DNAH11: variants seen among roughly 807,000 people sequenced by gnomAD.
The protein encoded by DNAH11 is axonemal beta dynein heavy chain 11.
In DNAH11, 442 loss-of-function variants were observed where a neutral mutation model predicts 526.0. The observed-to-expected ratio is 0.84, with a 90% CI of 0.78 to 0.91. The LOEUF is 0.91. Ranked by LOEUF, DNAH11 falls within the 40% of genes least tolerant of loss-of-function variation. The probability of loss-of-function intolerance (pLI) is 0.00; values close to 1 mark genes in which losing one functional copy is unlikely to be tolerated. For synonymous variants in DNAH11, 2,461 were observed against 1,935.9 expected (o/e 1.27, Z -7.12); for missense variants, 6,989 against 5,448.7 (o/e 1.28, Z -8.90).
chr7:21,615,008 C>T, intron 20 of DNAH11, 106 bp from the exon 21 acceptor site: 29 of 1,267,936 alleles, frequency 2.3e-5, no homozygotes, highest in African/African-American at 9.2e-5. Context: ...TTTTATTTTC[C>T]CGTTAAAAAT....
chr7:21,880,377 T>C (rs899942026), intron 74 of DNAH11, among the ~76,000 whole-genome samples: 1 of 150,692 alleles, frequency 6.6e-6, no homozygotes, highest in Admixed American at 6.6e-5. Flanking sequence ...CTTTATGTCA[T>C]CCAGATTCTG....
In DNAH11 at chr7:21,735,681, T is replaced by A; in HGVS notation, c.7482T>A (p.Tyr2494Ter). Reference sequence around the variant, plus strand: ...CAACAGAGACAGCTCGTCTTAGATATTTCATGGAGTTGTTGCTTGAGAAAG... The same window carrying A: ...CAACAGAGACAGCTCGTCTTAGATAATTCATGGAGTTGTTGCTTGAGAAAG... ...VHTTETARLRYFMELLLEKGK... is the reference protein window; with the variant it reads ...VHTTETARLR The change falls in exon 46 of 82, where the codon TAT becomes TAA. Residue 2494 changes from tyrosine to a stop codon, truncating the protein, a stop_gained. Coordinates refer to ENST00000409508, the MANE Select transcript of DNAH11 (RefSeq NM_001277115.2). LOFTEE classifies it high-confidence loss of function. 6.2e-7 allele frequency: 1 copy of A among 1,611,330 alleles called. No individual in the cohort carries two copies. The highest frequency in any genetic ancestry group is 8.5e-7 in the Non-Finnish European group (1 of 1,178,446).
At chr7:21,744,781 C>T (rs932989124) in intron 50 of DNAH11, 89 bp from the exon 51 acceptor site, 17 of 1,491,852 alleles carry the variant, frequency 1.1e-5, no homozygotes, top group African/African-American at 1.4e-5. Context: ...TGTGGGTCTG[C>T]AAGCTTTTCC....
chr7:21,654,339 C>T (rs1000300155), intron 28 of DNAH11, among the ~76,000 whole-genome samples: 3 of 152,050 alleles, frequency 2.0e-5, no homozygotes, highest in Admixed American at 6.6e-5. Flanking sequence ...CAAGATACGA[C>T]GTGTGGTATA....
chr7:21,875,719 C>T (rs1783678662), intron 74 of DNAH11, among the ~76,000 whole-genome samples: 1 of 151,976 alleles, frequency 6.6e-6, no homozygotes, highest in African/African-American at 2.4e-5. Flanking sequence ...TTCACAGATT[C>T]CCCCAAAGCC....
chr7:21,847,324 C>A (rs1439948825), intron 66 of DNAH11, among the ~76,000 whole-genome samples: 2 of 152,102 alleles, frequency 1.3e-5, no homozygotes, highest in Non-Finnish European at 2.9e-5. Flanking sequence ...GCATTCAATG[C>A]TATAAATTTC....
chr7:21,578,920 G>C (rs779716986), intron 8 of DNAH11, among the ~76,000 whole-genome samples: 5 of 152,094 alleles, frequency 3.3e-5, no homozygotes, highest in Non-Finnish European at 5.9e-5. Context: ...TCATTAAATG[G>C]TACATATAAT....
Position 21,842,883 on chromosome 7 carries a change from A to G in DNAH11, c.10896+135A>G, listed in dbSNP as rs545250434. On this transcript the variant is annotated intron_variant, in intron 66 of 81. Transcript: ENST00000409508. The stretch of plus-strand genomic sequence containing the variant: ...ACCTAATTGGGAAAAATAAGTATAC[A>G]TGTTAAAAGTTAAACAATTCAAAGT... 3.4e-5 allele frequency: 26 copies of G among 765,032 alleles called. 1 individual carries two copies. The South Asian group carries it at 5.2e-4, about 15-fold the overall frequency. The allele number at this position is 765,032 out of a possible 1,614,324, so 47.4% of individuals were successfully genotyped here. A position where few individuals can be genotyped will look rare whatever the true frequency, so the allele number is the denominator to read the frequency against.
intron 65 of DNAH11, among the ~76,000 whole-genome samples, chr7:21,827,224 C>T (rs964582730): frequency 1.3e-5 from 2 of 152,166 alleles, no homozygotes; most frequent in Admixed American, 1.3e-4. Flanking sequence ...ATTAAATCCA[C>T]CAAGCTCCAG....
chr7:21,711,485 C>T (rs190190473), intron 41 of DNAH11, among the ~76,000 whole-genome samples: 1 of 152,164 alleles, frequency 6.6e-6, no homozygotes, highest in Admixed American at 6.5e-5. Context: ...ATAAAAATTA[C>T]TACAATTATG....
chr7:21,586,776 C>G (rs1236676817), intron 9 of DNAH11, among the ~76,000 whole-genome samples: 2 of 152,176 alleles, frequency 1.3e-5, no homozygotes, highest in African/African-American at 4.8e-5. Flanking sequence ...TGTCTTCTTT[C>G]AGAGAAAATA....
In DNAH11 at chr7:21,844,051, CAG is replaced by C. The variant is rs572612876; in HGVS notation, c.10896+1304_10896+1305del. ...TAGAATACTTTTTCTTAGTATAAAT[CAG>C]GGGTCCGCAAACTGTGGCTTCCATG... On this transcript the variant is annotated intron_variant, in intron 66 of 81. Transcript: ENST00000409508. Among the ~76,000 whole-genome samples the C allele has an allele frequency of 1.2e-3, 187 of 152,264 alleles. 1 individual carries two copies. The highest frequency in any genetic ancestry group is 4.3e-3 in the African/African-American group (179 of 41,552).
At chr7:21,612,916 G>A (rs553661424) in intron 20 of DNAH11, among the ~76,000 whole-genome samples, 9 of 152,212 alleles carry the variant, frequency 5.9e-5, no homozygotes, top group South Asian at 4.2e-4. Flanking sequence ...TATGATTATC[G>A]CGAGAAATGC....
intron 1 of DNAH11, among the ~76,000 whole-genome samples, chr7:21,544,615 C>A (rs990066515): frequency 2.0e-5 from 3 of 152,074 alleles, no homozygotes; most frequent in African/African-American, 7.2e-5. Context: ...TTGGGCTTGT[C>A]TTTATCTCAG....
intron 26 of DNAH11, 138 bp downstream of exon 26, chr7:21,636,233 G>A (rs907387386): frequency 1.5e-5 from 10 of 676,686 alleles, no homozygotes; most frequent in Non-Finnish European, 2.5e-5. Context: ...AAAGGGCCAG[G>A]TAATAAATAT....
At position 21,744,951 on chromosome 7, in the gene DNAH11, C is replaced by G; in HGVS notation, c.8398C>G (p.Pro2800Ala). 6.2e-7 allele frequency: 1 copy of G among 1,610,396 alleles called. No individual in the cohort carries two copies. The highest frequency in any genetic ancestry group is 1.1e-5 in the South Asian group (1 of 90,090). ...TAGAGGGAAGGACCCACATTACATG[C>G]CAGTGAAGGACTGGGAAGTGCTGAA... ...ADRGKDPHYM[P>A]VKDWEVLKTI... is the part of the protein sequence containing the mutation. Residue 2800 changes from proline (P) to alanine (A), a missense_variant, in exon 51 of 82, where the codon CCA (proline) becomes GCA (alanine). By Grantham distance (27) the Pro-to-Ala change is conservative. Transcript: ENST00000409508.
intron 30 of DNAH11, among the ~76,000 whole-genome samples, chr7:21,663,882 T>C (rs550832100): frequency 6.6e-6 from 1 of 152,192 alleles, no homozygotes; most frequent in African/African-American, 2.4e-5. Context: ...TGCTGAATAA[T>C]GCTGAAGAGA....
In DNAH11 at chr7:21,550,043, A is replaced by C. The variant is rs80306015; in HGVS notation, c.495+4894A>C. 8.0e-3 allele frequency among the ~76,000 whole-genome samples: 1,224 copies of C among 152,276 alleles called. 77 individuals are homozygous for C. In the East Asian group the frequency reaches 0.18, roughly 22 times the overall value. ...CATCCCAGCCATATTAACTTCCAAA[A>C]TGGAGCCAGCCCATGTTTTGTTGTT... On this transcript the variant is annotated intron_variant, in intron 2 of 81. Transcript: ENST00000409508.
chr7:21,759,611 A>G (rs925124119), intron 54 of DNAH11, among the ~76,000 whole-genome samples: 1 of 152,228 alleles, frequency 6.6e-6, no homozygotes, highest in African/African-American at 2.4e-5. Context: ...ATGCAAATGT[A>G]AGTGATGGAT....
Sources: allele counts gnomAD v4.1 joint callset (sites outside exome capture counted in the v4.1 genomes callset), GRCh38; gene constraint gnomAD v4.1.1; transcripts MANE v1.5; gene names NCBI Gene and HGNC (gene_info 2026-07-23, HGNC 2026-07-21).